CLCA4: variants seen among roughly 807,000 people sequenced by gnomAD.
The protein encoded by CLCA4 is chloride channel accessory 4.
CLCA4 carries 69 observed loss-of-function variants against 78.9 expected under a neutral mutation model. That is an observed-to-expected ratio of 0.87 (90% confidence interval 0.72 to 1.07). The LOEUF (loss-of-function observed/expected upper bound fraction) is 1.07. CLCA4 is among the 50% of genes least tolerant of loss of function. The pLI, the probability that CLCA4 is intolerant of heterozygous loss-of-function variation, is 0.00. For synonymous variants in CLCA4, 362 were observed against 375.8 expected (o/e 0.96, Z 0.42); for missense variants, 1,133 against 1,095.8 (o/e 1.03, Z -0.48).
In CLCA4 at chr1:86,563,738, C is replaced by T. The variant is rs373633534; in HGVS notation, c.526C>T (p.Arg176Cys). ...DEYNEDQPFY[R>C]AKSKKIEATR... Reference sequence around the variant, plus strand: ...GTACAATGAAGATCAGCCTTTCTACCGTGCTAAGTCAAAAAAAATCGAAGC... The same window carrying T: ...GTACAATGAAGATCAGCCTTTCTACTGTGCTAAGTCAAAAAAAATCGAAGC... Residue 176 changes from arginine (R) to cysteine (C), a missense_variant, in exon 4 of 14, where the codon CGT becomes TGT. Transcript: ENST00000370563. 20 of 1,607,972 alleles carry T rather than the reference C, an allele frequency of 1.2e-5. No homozygotes were observed. Among genetic ancestry groups the T allele is most frequent in the African/African-American group, 1.1e-4 (8 of 74,722 alleles).
chr1:86,550,345 G>A (rs1399083760), intron 1 of CLCA4, among the ~76,000 whole-genome samples: 2 of 152,146 alleles, frequency 1.3e-5, no homozygotes, highest in African/African-American at 2.4e-5. Flanking sequence ...GTGTCCAGAG[G>A]ACAGTAAATC....
chr1:86,568,240 A>G (rs1650256354), intron 7 of CLCA4, among the ~76,000 whole-genome samples: 2 of 151,764 alleles, frequency 1.3e-5, no homozygotes, highest in Admixed American at 1.3e-4. Flanking sequence ...ACTTACCTAT[A>G]CAATATAGGA....
At chr1:86,547,423 G>A (rs755180696) in intron 1 of CLCA4, 145 bp downstream of exon 1, 9 of 566,594 alleles carry the variant, frequency 1.6e-5, no homozygotes, top group Non-Finnish European at 2.6e-5. Flanking sequence ...AGGGTAATTA[G>A]CATATTCAGC....
In CLCA4 at chr1:86,563,734, C is replaced by G; in HGVS notation, c.522C>G (p.Phe174Leu). The G allele has an allele frequency of 6.2e-7, 1 of 1,610,198 alleles. No homozygotes were observed. The highest frequency in any genetic ancestry group is 8.5e-7 in the Non-Finnish European group (1 of 1,177,494). Residue 174 changes from phenylalanine to leucine, a missense_variant, in exon 4 of 14, where the codon TTC (phenylalanine) becomes TTG (leucine). Physicochemically the swap from Phe to Leu is conservative, Grantham distance 22. Coordinates refer to ENST00000370563, the MANE Select transcript of CLCA4 (RefSeq NM_012128.4). ...VFDEYNEDQP[F>L]YRAKSKKIEA... is the part of the protein sequence containing the mutation. ...ATGAGTACAATGAAGATCAGCCTTT[C>G]TACCGTGCTAAGTCAAAAAAAATCG...
chr1:86,573,935 TCAC>T (rs1650431604), intron 9 of CLCA4, among the ~76,000 whole-genome samples: 1 of 152,124 alleles, frequency 6.6e-6, no homozygotes, highest in Admixed American at 6.6e-5. Context: ...TTATGCATTC[TCAC>T]CACAAAAATA....
At chr1:86,576,023 T>C (rs6703904) in intron 11 of CLCA4, among the ~76,000 whole-genome samples, 6,037 of 151,824 alleles carry the variant, frequency 0.04, 394 homozygotes, top group African/African-American at 0.14. Flanking sequence ...ACCTGGGAGG[T>C]GGAGGTTGCA....
At chr1:86,559,816 C>G in intron 1 of CLCA4, 116 bp from the exon 2 acceptor site, 2 of 757,162 alleles carry the variant, frequency 2.6e-6, no homozygotes, top group Admixed American at 2.6e-5. Flanking sequence ...AGACCCTACT[C>G]ATCAGTCTGT....
At position 86,565,454 on chromosome 1, in the gene CLCA4, A is replaced by T. The variant is rs759382199; in HGVS notation, c.735+3A>T. On this transcript the variant is annotated splice_donor_region_variant and intron_variant, in intron 5 of 13. Coordinates refer to ENST00000370563, the MANE Select transcript of CLCA4 (RefSeq NM_012128.4). Reference sequence around the variant, plus strand: ...TGTTTATGCAAAGTATTGATTCTGTAAGTATGCTGATAATTGCTTCCAGAA... The same window carrying T: ...TGTTTATGCAAAGTATTGATTCTGTTAGTATGCTGATAATTGCTTCCAGAA... 6.4e-7 allele frequency: 1 copy of T among 1,566,294 alleles called. No homozygotes were observed. The highest frequency in any genetic ancestry group is 1.9e-5 in the Admixed American group (1 of 53,540).
intron 1 of CLCA4, among the ~76,000 whole-genome samples, chr1:86,553,521 C>A (rs1248978216): frequency 6.6e-6 from 1 of 152,182 alleles, no homozygotes; most frequent in Non-Finnish European, 1.5e-5. Flanking sequence ...CCGACGCCAC[C>A]GCCGCTGCCG....
chr1:86,568,841 G>A (rs904370469), intron 7 of CLCA4, among the ~76,000 whole-genome samples: 2 of 151,852 alleles, frequency 1.3e-5, no homozygotes, highest in African/African-American at 4.8e-5. Context: ...CAACCCAATT[G>A]CATCTATCTC....
Position 86,571,187 on chromosome 1 carries a change from C to G in CLCA4, c.1293C>G (p.Ala431=). Residue 431 remains alanine, a synonymous_variant, in exon 8 of 14, where the codon GCC becomes GCG. Coordinates refer to ENST00000370563, the MANE Select transcript of CLCA4 (RefSeq NM_012128.4). ...TTGATGAAGTGAAACAAAGTGGGGC[C>G]ATTGTTCATTTTATTGCTTTGGGAA... ...SCIDEVKQSG[A]IVHFIALGRA... 1.2e-6 allele frequency: 2 copies of G among 1,612,888 alleles called. No individual in the cohort carries two copies. Among genetic ancestry groups the G allele is most frequent in the South Asian group, 2.2e-5 (2 of 91,008 alleles).
chr1:86,563,842 C>G, intron 4 of CLCA4, 73 bp downstream of exon 4: 1 of 793,802 alleles, frequency 1.3e-6, no homozygotes, highest in Non-Finnish European at 2.1e-6. Context: ...TGATTTCTTC[C>G]AAAATCATTC....
Position 86,565,306 on chromosome 1 carries a change from T to C in CLCA4, c.590T>C (p.Val197Ala). 6.2e-7 allele frequency: 1 copy of C among 1,606,732 alleles called. No individual in the cohort carries two copies. Among genetic ancestry groups the C allele is most frequent in the Non-Finnish European group, 8.5e-7 (1 of 1,176,904 alleles). The stretch of plus-strand genomic sequence containing the variant: ...GCAGGTATCTCTGGTAGAAATAGAG[T>C]TTATAAGTGTCAAGGAGGCAGCTGT... ...CSAGISGRNR[V>A]YKCQGGSCLS... The change falls in exon 5 of 14, where the codon GTT becomes GCT. Residue 197 changes from valine (V) to alanine (A), a missense_variant. Transcript: ENST00000370563.
rs777935544 is a variant in CLCA4, at chr1:86,580,394, A to AAAAAC, written c.*57_*61dup. On this transcript the variant is annotated 3_prime_UTR_variant, in exon 14 of 14. Transcript: ENST00000370563. Reference sequence around the variant, plus strand: ...CAAGTAGACCTAGAAGAGAGTTTTAAAAAACAAAACAATGTAAGTAAAGGA... The same window carrying AAAAAC: ...CAAGTAGACCTAGAAGAGAGTTTTAAAAAACAAAACAAAACAATGTAAGTAAAGGA... 2.2e-6 allele frequency: 3 copies of AAAAAC among 1,388,458 alleles called. No homozygotes were observed. Among genetic ancestry groups the AAAAAC allele is most frequent in the Non-Finnish European group, 2.9e-6 (3 of 1,037,564 alleles). The allele number at this position is 1,388,458 out of a possible 1,614,324, so 86.0% of individuals were successfully genotyped here. A position where few individuals can be genotyped will look rare whatever the true frequency, so the allele number is the denominator to read the frequency against.
At chr1:86,556,739 G>A (rs1280793893) in intron 1 of CLCA4, among the ~76,000 whole-genome samples, 1 of 152,108 alleles carries the variant, frequency 6.6e-6, no homozygotes, top group Non-Finnish European at 1.5e-5. Flanking sequence ...TCAAATTTTT[G>A]GAATAGTTTC....
intron 1 of CLCA4, among the ~76,000 whole-genome samples, chr1:86,554,664 A>G (rs1434928763): frequency 6.6e-6 from 1 of 152,150 alleles, no homozygotes; most frequent in Non-Finnish European, 1.5e-5. Context: ...ATTCAAGTGC[A>G]TGTGTGTCTT....
intron 1 of CLCA4, among the ~76,000 whole-genome samples, chr1:86,549,948 A>G (rs1375153297): frequency 6.6e-6 from 1 of 152,250 alleles, no homozygotes; most frequent in Non-Finnish European, 1.5e-5. Flanking sequence ...GGACTAAACC[A>G]AGGACACTGA....
At chr1:86,567,761 C>T (rs1437399051) in intron 7 of CLCA4, 110 bp downstream of exon 7, 3 of 839,800 alleles carry the variant, frequency 3.6e-6, no homozygotes, top group Non-Finnish European at 5.6e-6. Flanking sequence ...CATAACTAAT[C>T]CTAAGAGGCA....
At chr1:86,554,711 C>T (rs1649781198) in intron 1 of CLCA4, among the ~76,000 whole-genome samples, 1 of 152,174 alleles carries the variant, frequency 6.6e-6, no homozygotes, top group Non-Finnish European at 1.5e-5. Context: ...GAGTGTATAT[C>T]CAGTAATGGG....
Sources: gnomAD v4.1 joint callset for allele counts (sites outside exome capture counted in the v4.1 genomes callset) on GRCh38, gnomAD v4.1.1 for gene constraint, MANE v1.5 for transcripts, NCBI Gene and HGNC (gene_info 2026-07-23, HGNC 2026-07-21) for gene names.